CDK14: variants seen among roughly 807,000 people sequenced by gnomAD.
The protein encoded by CDK14 is cyclin dependent kinase 14, also known as cyclin-dependent kinase 14.
CDK14 carries 34 observed loss-of-function variants against 60.7 expected under a neutral mutation model. The ratio of observed to expected loss-of-function variants is 0.56; its 90% confidence interval spans 0.43 to 0.75. The LOEUF is 0.75. CDK14 is among the 30% of genes least tolerant of loss of function. The probability of loss-of-function intolerance (pLI) is 0.00; values close to 1 mark genes in which losing one functional copy is unlikely to be tolerated. For missense variants in CDK14, 482 were observed against 564.1 expected (o/e 0.85, Z 1.47); for synonymous variants, 197 against 203.7 (o/e 0.97, Z 0.28).
intron 8 of CDK14, among the ~76,000 whole-genome samples, chr7:90,935,443 A>G (rs946421062): frequency 6.6e-6 from 1 of 152,254 alleles, no homozygotes; most frequent in African/African-American, 2.4e-5. Context: ...ATTTTTAAAT[A>G]TATCTTTACA....
rs78696108 is a variant in CDK14, at chr7:90,861,118, C to T, written c.545-2057C>T. Among the ~76,000 whole-genome samples, 1,173 of 152,210 alleles carry T rather than the reference C, an allele frequency of 7.7e-3. 22 individuals carry two copies. Among genetic ancestry groups the T allele is most frequent in the African/African-American group, 0.027 (1,103 of 41,536 alleles). ...TTCTTATTCAGAATAGCCACCCCAA[C>T]CCCTGAGGACCCCAGATGCATGACA... On this transcript the variant is annotated intron_variant, in intron 5 of 14. Transcript: ENST00000380050.
intron 12 of CDK14, among the ~76,000 whole-genome samples, chr7:91,106,936 G>A (rs984365480): frequency 1.3e-5 from 2 of 152,198 alleles, no homozygotes; most frequent in Non-Finnish European, 2.9e-5. Flanking sequence ...GTGCAAACAG[G>A]TGAACTATAG....
intron 8 of CDK14, among the ~76,000 whole-genome samples, chr7:90,941,991 A>G (rs376690676): frequency 1.3e-5 from 2 of 152,196 alleles, no homozygotes; most frequent in African/African-American, 4.8e-5. Flanking sequence ...GCTACAATGC[A>G]GCTGATATCT....
intron 2 of CDK14, chr7:90,726,223 C>A: frequency 1.3e-6 from 1 of 747,144 alleles, no homozygotes; most frequent in Non-Finnish European, 1.6e-6. Flanking sequence ...GCTAGTTACC[C>A]AACCTCTTAA....
At chr7:90,739,772 A>T (rs908058818) in intron 3 of CDK14, among the ~76,000 whole-genome samples, 1 of 152,222 alleles carries the variant, frequency 6.6e-6, no homozygotes, top group Non-Finnish European at 1.5e-5. Context: ...CTGATTTTAA[A>T]TAATTTAGAG....
At chr7:90,685,881 T>C (rs903933921) in intron 2 of CDK14, among the ~76,000 whole-genome samples, 3 of 152,070 alleles carry the variant, frequency 2.0e-5, no homozygotes, top group African/African-American at 7.2e-5. Context: ...GTTTTTCTCA[T>C]ATAGATACTG....
chr7:90,636,529 A>G (rs375791401), intron 2 of CDK14, among the ~76,000 whole-genome samples: 67 of 151,694 alleles, frequency 4.4e-4, no homozygotes, highest in African/African-American at 1.2e-3. Context: ...TGCTGGATTC[A>G]GTTTGCCAGT....
At chr7:90,720,674 A>G (rs1187420428) in intron 2 of CDK14, among the ~76,000 whole-genome samples, 2 of 152,216 alleles carry the variant, frequency 1.3e-5, no homozygotes, top group Admixed American at 1.3e-4. Flanking sequence ...TACTATACTT[A>G]TTAACAGTGT....
At chr7:91,180,503 A>G (rs117503108) in intron 14 of CDK14, among the ~76,000 whole-genome samples, 2,571 of 152,346 alleles carry the variant, frequency 0.017, 23 homozygotes, top group Non-Finnish European at 0.023. Flanking sequence ...ACTGAAAAAT[A>G]TCAGCAGAAT....
intron 10 of CDK14, among the ~76,000 whole-genome samples, chr7:91,023,344 T>C (rs1796483842): frequency 6.6e-6 from 1 of 152,034 alleles, no homozygotes; most frequent in Non-Finnish European, 1.5e-5. Flanking sequence ...ATGGTGGTGT[T>C]CTTGATTTTC....
At chr7:91,077,298 A>G (rs1469488653) in intron 11 of CDK14, among the ~76,000 whole-genome samples, 1 of 152,230 alleles carries the variant, frequency 6.6e-6, no homozygotes, top group Non-Finnish European at 1.5e-5. Flanking sequence ...CATATTAACC[A>G]TGGAATACTA....
intron 4 of CDK14, among the ~76,000 whole-genome samples, chr7:90,777,249 A>G (rs577281458): frequency 6.6e-6 from 1 of 152,318 alleles, no homozygotes; most frequent in Non-Finnish European, 1.5e-5. Flanking sequence ...GAGAGTAGTA[A>G]GTTTTCCAGT....
chr7:90,946,520 A>G (rs529930160), intron 8 of CDK14, among the ~76,000 whole-genome samples: 3 of 152,342 alleles, frequency 2.0e-5, no homozygotes, highest in East Asian at 1.9e-4. Context: ...CAATAATTCA[A>G]TATGACCCAA....
intron 5 of CDK14, among the ~76,000 whole-genome samples, chr7:90,818,011 C>T: frequency 6.6e-6 from 1 of 152,160 alleles, no homozygotes; most frequent in East Asian, 1.9e-4. Flanking sequence ...TCTTAAAGCA[C>T]AGCTCTTAAC....
intron 3 of CDK14, among the ~76,000 whole-genome samples, chr7:90,729,481 G>A (rs776931637): frequency 2.5e-4 from 37 of 149,164 alleles, no homozygotes; most frequent in Non-Finnish European, 4.5e-4. Flanking sequence ...TTGCCCTTAT[G>A]GGTTTTAATT....
At chr7:90,927,829 C>T (rs1793463967) in intron 8 of CDK14, among the ~76,000 whole-genome samples, 2 of 152,148 alleles carry the variant, frequency 1.3e-5, no homozygotes, top group Admixed American at 1.3e-4. Flanking sequence ...GTTCCATTCC[C>T]CCCGTCACTT....
At chr7:91,175,734 G>C (rs972153071) in intron 14 of CDK14, among the ~76,000 whole-genome samples, 6 of 148,984 alleles carry the variant, frequency 4.0e-5, no homozygotes, top group Non-Finnish European at 9.0e-5. Flanking sequence ...AATGGTAAAG[G>C]GATCAATTCA....
chr7:90,942,203 T>G (rs1322203533), intron 8 of CDK14, among the ~76,000 whole-genome samples: 1 of 152,108 alleles, frequency 6.6e-6, no homozygotes, highest in Non-Finnish European at 1.5e-5. Context: ...TCCCTAGTGA[T>G]TACACCCTAG....
At chr7:90,762,913 C>T (rs922772506) in intron 4 of CDK14, among the ~76,000 whole-genome samples, 22 of 152,000 alleles carry the variant, frequency 1.4e-4, no homozygotes, top group African/African-American at 4.8e-4. Context: ...TGCTTGAACC[C>T]GGAGGCAGAG....
Sources: allele counts gnomAD v4.1 joint callset (sites outside exome capture counted in the v4.1 genomes callset), GRCh38; gene constraint gnomAD v4.1.1; transcripts MANE v1.5; gene names NCBI Gene and HGNC (gene_info 2026-07-23, HGNC 2026-07-21).